SPTBN1: variants seen among roughly 807,000 people sequenced by gnomAD.
SPTBN1 encodes spectrin beta, non-erythrocytic 1, also known as spectrin beta chain, non-erythrocytic 1.
SPTBN1 carries 32 observed loss-of-function variants against 266.4 expected under a neutral mutation model. The ratio of observed to expected loss-of-function variants is 0.12; its 90% CI spans 0.09 to 0.16. The LOEUF (loss-of-function observed/expected upper bound fraction) is 0.16. Among genes scored for constraint, SPTBN1 ranks in the 10% least tolerant of loss-of-function variants. The pLI is 1.00. For missense variants in SPTBN1, 2,296 were observed against 3,067.1 expected, an observed-to-expected ratio of 0.75 and a Z score of 5.94; for synonymous variants, 1,336 against 1,162.2, an observed-to-expected ratio of 1.15 and a Z score of -3.04.
At chr2:54,572,173 GA>G (rs375086056) in intron 2 of SPTBN1, among the ~76,000 whole-genome samples, 2 of 152,132 alleles carry the variant, frequency 1.3e-5, no homozygotes, top group African/African-American at 4.8e-5. Flanking sequence ...TAGGGAGACA[GA>G]AACAGTTCCC....
intron 2 of SPTBN1, among the ~76,000 whole-genome samples, chr2:54,598,230 G>C (rs1475927239): frequency 3.3e-5 from 5 of 152,164 alleles, no homozygotes; most frequent in Non-Finnish European, 5.9e-5. Flanking sequence ...CTGTTTCCTG[G>C]ATGACTTGAA....
chr2:54,622,224 A>C, intron 8 of SPTBN1, 76 bp from the exon 9 acceptor site: 8 of 1,481,892 alleles, frequency 5.4e-6, no homozygotes, highest in Admixed American at 1.9e-5. Context: ...GTGTGCATGC[A>C]CTCGTATAGG....
chr2:54,660,074 G>A, intron 32 of SPTBN1, 75 bp downstream of exon 32: 1 of 1,614,186 alleles, frequency 6.2e-7, no homozygotes, highest in Non-Finnish European at 8.5e-7. Flanking sequence ...ACCAGCCATG[G>A]TCTGGACTGT....
intron 2 of SPTBN1, among the ~76,000 whole-genome samples, chr2:54,576,149 G>A (rs1007712184): frequency 2.8e-5 from 4 of 145,402 alleles, no homozygotes; most frequent in African/African-American, 7.7e-5. Context: ...CTGCCTCCTG[G>A]GTTCAAGCGT....
chr2:54,465,819 G>A (rs1573204543), intron 1 of SPTBN1, among the ~76,000 whole-genome samples: 1 of 151,996 alleles, frequency 6.6e-6, no homozygotes, highest in Non-Finnish European at 1.5e-5. Context: ...TCCTTAGCCA[G>A]TGGAGGAAAT....
chr2:54,655,679 C>CA (rs1572765633), intron 28 of SPTBN1, among the ~76,000 whole-genome samples: 1 of 152,248 alleles, frequency 6.6e-6, no homozygotes, highest in East Asian at 1.9e-4. Context: ...GGAGCCTCCT[C>CA]ACGACAAAAC....
Position 54,626,174 on chromosome 2 carries a change from G to C in SPTBN1, c.1584G>C (p.Leu528=), listed in dbSNP as rs762798042. ...RARRQRLEMN[L]GLQKIFQEML... The stretch of plus-strand genomic sequence containing the variant: ...GGAGACAGCGGCTCGAGATGAACCT[G>C]GGGCTGCAGAAGATATTCCAGGAAA... Residue 528 remains leucine (L), a synonymous_variant, in exon 12 of 36, where the codon CTG becomes CTC. Transcript: ENST00000356805. The surrounding 1 kb of genome is among the most constrained non-coding windows in gnomAD (Gnocchi z 4.7). 1.2e-6 allele frequency: 2 copies of C among 1,614,184 alleles called. No individual in the cohort carries two copies. Among genetic ancestry groups the C allele is most frequent in the Non-Finnish European group, 8.5e-7 (1 of 1,180,042 alleles).
rs1209132160 is a variant in SPTBN1, at chr2:54,576,074, A to ATTTTTTTTTTTTTTTTTTTT, written c.149-23018_149-23017insTTTTTTTTTTTTTTTTTTTT. Among the ~76,000 whole-genome samples the ATTTTTTTTTTTTTTTTTTTT allele has an allele frequency of 7.0e-3, 653 of 93,776 alleles. 144 individuals are homozygous for ATTTTTTTTTTTTTTTTTTTT. Among genetic ancestry groups the ATTTTTTTTTTTTTTTTTTTT allele is most frequent in the African/African-American group, 0.014 (346 of 24,746 alleles). 61.5% of individuals were successfully genotyped at this position (93,776 alleles called of 152,430 possible). A position where few individuals can be genotyped will look rare whatever the true frequency, so the allele number is the denominator to read the frequency against. ...ATCCAGCTTTTTTTTTTTTTTTTTG[A>ATTTTTTTTTTTTTTTTTTTT]GAGACAGTCTGGCTGTGTCTCCCAG... On this transcript the variant is annotated intron_variant, in intron 2 of 35. Coordinates refer to ENST00000356805, the MANE Select transcript of SPTBN1 (RefSeq NM_003128.3).
At chr2:54,644,757 A>G (rs912474566) in intron 20 of SPTBN1, among the ~76,000 whole-genome samples, 171 bp downstream of exon 20, 4 of 152,258 alleles carry the variant, frequency 2.6e-5, no homozygotes, top group Admixed American at 2.0e-4. Context: ...CAGAATAGAA[A>G]GACACTTGTC....
intron 9 of SPTBN1, 97 bp from the exon 10 acceptor site, chr2:54,623,382 A>C: frequency 9.5e-7 from 1 of 1,056,294 alleles, no homozygotes; most frequent in South Asian, 1.3e-5. Flanking sequence ...CATGCATTTC[A>C]TGTAAGTCAG....
At chr2:54,489,554 G>A (rs111881206) in intron 1 of SPTBN1, among the ~76,000 whole-genome samples, 27 of 152,016 alleles carry the variant, frequency 1.8e-4, no homozygotes, top group Non-Finnish European at 2.9e-4. Flanking sequence ...ACAAAAATTA[G>A]CCAGGCGTGG....
rs141497001 is a variant in SPTBN1 at position 54,519,611 on chromosome 2, C to T, written c.-47-6761C>T. On this transcript the variant is annotated intron_variant, in intron 1 of 35. Transcript: ENST00000356805. ...AGGCTAGAGAGATGGGCAAGGTCCT[C>T]GTGAAGAATCTCATTTTCTCTCCTA... 3.9e-3 allele frequency among the ~76,000 whole-genome samples: 601 copies of T among 152,220 alleles called. 2 individuals are homozygous for T. The highest frequency in any genetic ancestry group is 5.6e-3 in the Non-Finnish European group (379 of 68,002).
Position 54,643,055 on chromosome 2 carries a change from A to G in SPTBN1, c.3931A>G (p.Ser1311Gly). Residue 1311 changes from serine (S) to glycine (G), a missense_variant, in exon 19 of 36, where the codon AGT becomes GGT. Around this residue, in one of 12 missense-constraint regions of SPTBN1, gnomAD observed 386 missense variants for 486.1 expected, o/e 0.79. Coordinates refer to ENST00000356805, the MANE Select transcript of SPTBN1 (RefSeq NM_003128.3). ...MSYDEARNLHSKWLKHQAFMA... is the reference protein window; with the variant it reads ...MSYDEARNLHGKWLKHQAFMA... ...TTACGATGAAGCCAGAAATCTGCAC[A>G]GTAAATGGTTGAAGCATCAAGCATT... 2 of 1,614,158 alleles carry G rather than the reference A, an allele frequency of 1.2e-6. No individual in the cohort carries two copies. Among genetic ancestry groups the G allele is most frequent in the Non-Finnish European group, 1.7e-6 (2 of 1,179,988 alleles).
Position 54,668,646 on chromosome 2 carries a change from T to TA in SPTBN1, c.*78dup, listed in dbSNP as rs1166284965. 349 of 1,319,412 alleles carry TA rather than the reference T, an allele frequency of 2.6e-4. No homozygotes were observed. The highest frequency in any genetic ancestry group is 3.6e-4 in the Non-Finnish European group (344 of 962,130). 81.7% of individuals were successfully genotyped at this position (1,319,412 alleles called of 1,614,324 possible). On this transcript the variant is annotated 3_prime_UTR_variant, in exon 36 of 36. Coordinates refer to ENST00000356805, the MANE Select transcript of SPTBN1 (RefSeq NM_003128.3). ...GCATGCAAGCTCAGAACCAACACAT[T>TA]ACTCTCTGTGCCTAATGTTCCTCAA...
At chr2:54,509,965 T>C (rs1221296569) in intron 1 of SPTBN1, among the ~76,000 whole-genome samples, 2 of 150,632 alleles carry the variant, frequency 1.3e-5, no homozygotes, top group African/African-American at 2.4e-5. Flanking sequence ...TCTTTTTTTT[T>C]TTTTTTTTAA....
At chr2:54,563,255 G>A (rs1043578758) in intron 2 of SPTBN1, among the ~76,000 whole-genome samples, 1 of 152,214 alleles carries the variant, frequency 6.6e-6, no homozygotes, top group Non-Finnish European at 1.5e-5. Flanking sequence ...GGCTCTGGCT[G>A]TGAAGTTGTA....
At chr2:54,517,873 T>A (rs1670203720) in intron 1 of SPTBN1, among the ~76,000 whole-genome samples, 1 of 151,880 alleles carries the variant, frequency 6.6e-6, no homozygotes, top group Non-Finnish European at 1.5e-5. Flanking sequence ...CTCGAGCTCC[T>A]GACCTCATGA....
At chr2:54,525,086 C>T (rs1023513291) in intron 1 of SPTBN1, among the ~76,000 whole-genome samples, 5 of 152,182 alleles carry the variant, frequency 3.3e-5, no homozygotes, top group East Asian at 3.9e-4. Flanking sequence ...GCACAGAGTA[C>T]GTAGTAAGTC....
At chr2:54,505,107 C>G (rs1206732281) in intron 1 of SPTBN1, among the ~76,000 whole-genome samples, 1 of 152,208 alleles carries the variant, frequency 6.6e-6, no homozygotes, top group African/African-American at 2.4e-5. Flanking sequence ...TTTGAAATAT[C>G]TTCTGAGCCT....
Sources: allele counts gnomAD v4.1 joint callset (sites outside exome capture counted in the v4.1 genomes callset), GRCh38; gene constraint gnomAD v4.1.1; regional missense constraint gnomAD v4.1.1; non-coding constraint Gnocchi (gnomAD v3.1); transcripts MANE v1.5; gene names NCBI Gene and HGNC (gene_info 2026-07-23, HGNC 2026-07-21).